The following CCNK variants were observed in gnomAD, a reference collection of about 807,000 sequenced individuals.
CCNK encodes cyclin K.
In CCNK, 9 loss-of-function variants were observed where a neutral mutation model predicts 65.0. That is an observed-to-expected ratio of 0.14 (90% CI 0.08 to 0.24). The LOEUF (loss-of-function observed/expected upper bound fraction) is 0.24. Ranked by LOEUF, CCNK falls within the 10% of genes least tolerant of loss-of-function variation. The probability of loss-of-function intolerance (pLI) is 1.00; values close to 1 mark genes in which losing one functional copy is unlikely to be tolerated. For missense variants in CCNK, 474 were observed against 720.0 expected (o/e 0.66, Z 3.91); for synonymous variants, 279 against 270.8 (o/e 1.03, Z -0.30).
At chr14:99,498,526 G>A (rs1390678531) in intron 4 of CCNK, among the ~76,000 whole-genome samples, 2 of 152,100 alleles carry the variant, frequency 1.3e-5, no homozygotes, top group African/African-American at 2.4e-5. Flanking sequence ...GAGTCCCATG[G>A]AACATTTTTT....
intron 3 of CCNK, chr14:99,493,975 ACT>A (rs921902306): frequency 1.2e-5 from 2 of 165,516 alleles, no homozygotes; most frequent in Admixed American, 6.1e-5. Context: ...ATTGTGTCTT[ACT>A]CTCTGTGGGA....
rs376791507 is a variant in CCNK at position 99,512,428 on chromosome 14, GAAAA to G, written c.*1655_*1658del. The G allele has an allele frequency of 5.9e-5, 8 of 134,504 alleles. No individual in the cohort carries two copies. The highest frequency in any genetic ancestry group is 1.9e-4 in the African/African-American group (7 of 37,292). 8.3% of individuals were successfully genotyped at this position (134,504 alleles called of 1,614,324 possible). A position where few individuals can be genotyped will look rare whatever the true frequency, so the allele number is the denominator to read the frequency against. Reference sequence around the variant, plus strand: ...TCTGCAGTCATGCATTTAGTTTTAAGAAAAAAAAAAAATCAGTAGTATGTATCTT... The same window carrying G: ...TCTGCAGTCATGCATTTAGTTTTAAGAAAAAAAATCAGTAGTATGTATCTT... On this transcript the variant is annotated 3_prime_UTR_variant, in exon 11 of 11. Transcript: ENST00000389879.
chr14:99,486,962 G>T (rs1896501345), intron 1 of CCNK, among the ~76,000 whole-genome samples: 1 of 152,006 alleles, frequency 6.6e-6, no homozygotes, highest in African/African-American at 2.4e-5. Flanking sequence ...AAGCTTCCTG[G>T]GGCAAAGACC....
chr14:99,490,443 A>T (rs1001659091), intron 1 of CCNK, among the ~76,000 whole-genome samples: 4 of 152,220 alleles, frequency 2.6e-5, no homozygotes, highest in African/African-American at 9.6e-5. Flanking sequence ...AGTGAAGGGT[A>T]TAGACAAAAC....
chr14:99,502,679 T>C, intron 7 of CCNK, 40 bp from the exon 8 acceptor site: 1 of 1,586,634 alleles, frequency 6.3e-7, no homozygotes, highest in South Asian at 1.1e-5. Flanking sequence ...TTATTTAAAA[T>C]ACCAATTTGT....
chr14:99,487,285 T>C (rs1282518677), intron 1 of CCNK, among the ~76,000 whole-genome samples: 2 of 152,236 alleles, frequency 1.3e-5, no homozygotes, highest in Admixed American at 6.5e-5. Context: ...ATAACTGTAC[T>C]GTACAGCAGA....
At chr14:99,481,610 C>G (rs1330607448) in intron 1 of CCNK, 131 bp downstream of exon 1, 1 of 394,462 alleles carries the variant, frequency 2.5e-6, no homozygotes, top group Non-Finnish European at 4.5e-6. Context: ...CTCCGCTAAC[C>G]TCCGGTACAC....
chr14:99,486,863 C>A (rs771077021), intron 1 of CCNK, among the ~76,000 whole-genome samples: 6 of 144,856 alleles, frequency 4.1e-5, no homozygotes, highest in African/African-American at 7.7e-5. Flanking sequence ...TATGTTCTCT[C>A]CCCTTACATG....
rs1377006286 is a variant in CCNK, at chr14:99,492,819, C to T, written c.142C>T (p.Arg48Trp). Residue 48 changes from arginine to tryptophan, a missense_variant, in exon 2 of 11, where the codon CGG becomes TGG. This residue lies in a region of CCNK where 87 missense variants were observed against 166.2 expected (regional missense o/e 0.52). Coordinates refer to ENST00000389879, the MANE Select transcript of CCNK (RefSeq NM_001099402.2). ...AGGACTTGATCCAGCCACCGAGGCCCGGTACCGCCGAGAGGGCGCTCGGTT... is the reference window on the plus strand; with the variant it reads ...AGGACTTGATCCAGCCACCGAGGCCTGGTACCGCCGAGAGGGCGCTCGGTT... ...LEGLDPATEA[R>W]YRREGARFIF... 4 of 1,611,404 alleles carry T rather than the reference C, an allele frequency of 2.5e-6. No individual in the cohort carries two copies. Among genetic ancestry groups the T allele is most frequent in the African/African-American group, 1.3e-5 (1 of 74,612 alleles).
intron 4 of CCNK, among the ~76,000 whole-genome samples, chr14:99,495,974 A>G (rs923131269): frequency 1.3e-5 from 2 of 152,224 alleles, no homozygotes; most frequent in Middle Eastern, 3.4e-3. Flanking sequence ...TTCTGGGTCA[A>G]ACAAAAGTAT....
chr14:99,488,109 C>T (rs772170366), intron 1 of CCNK, among the ~76,000 whole-genome samples: 6 of 152,030 alleles, frequency 3.9e-5, no homozygotes, highest in Non-Finnish European at 8.8e-5. Flanking sequence ...GACACTTTAC[C>T]CAAAATACTT....
At chr14:99,493,171 G>A (rs1285439732) in intron 2 of CCNK, 2 of 441,462 alleles carry the variant, frequency 4.5e-6, no homozygotes, top group African/African-American at 4.0e-5. Context: ...GGGAGGCCTA[G>A]ACAGGAGCAT....
chr14:99,495,183 T>C (rs894776404), intron 3 of CCNK: 2 of 198,630 alleles, frequency 1.0e-5, no homozygotes, highest in South Asian at 1.6e-4. Context: ...GCTTGCTGTT[T>C]AGGGAGTTAA....
Position 99,495,557 on chromosome 14 carries a change from T to C in CCNK, c.339T>C (p.Cys113=), listed in dbSNP as rs1385552548. Residue 113 remains cysteine (C), a synonymous_variant, in exon 4 of 11, where the codon TGT becomes TGC. Coordinates refer to ENST00000389879, the MANE Select transcript of CCNK (RefSeq NM_001099402.2). The part of the protein sequence containing the change: ...AGKVEETPKK[C]KDIIKTARSL... ...AAGTAGAAGAAACACCAAAAAAATGTAAAGATATCATCAAAACAGCTCGTA... is the reference window on the plus strand; with the variant it reads ...AAGTAGAAGAAACACCAAAAAAATGCAAAGATATCATCAAAACAGCTCGTA... 1 of 1,613,434 alleles carries C rather than the reference T, an allele frequency of 6.2e-7. No homozygotes were observed. The highest frequency in any genetic ancestry group is 8.5e-7 in the Non-Finnish European group (1 of 1,179,684).
chr14:99,510,302 GCCCCCAC>G lies in CCNK; in HGVS notation c.1269_1275del (p.Pro425AlafsTer3). 1 of 433,122 alleles carries G rather than the reference GCCCCCAC, an allele frequency of 2.3e-6. No individual in the cohort carries two copies. Among genetic ancestry groups the G allele is most frequent in the Non-Finnish European group, 3.4e-6 (1 of 290,910 alleles). 26.8% of individuals were successfully genotyped at this position (433,122 alleles called of 1,614,324 possible). On this transcript the variant is annotated frameshift_variant, in exon 11 of 11. Transcript: ENST00000389879. LOFTEE classifies it high-confidence loss of function. ...CACCGCCGCTGCCACACCGGCCCCC[GCCCCCAC>G]CCCCCTCCAGCTACATGACCGGGAT...
chr14:99,510,982 C>G lies in CCNK; in HGVS notation c.*200C>G. ...GGACAACCAGCTTTCAGAGTAGCCT[C>G]ATCAGTGCCCTTGCAGTCTGACTGT... On this transcript the variant is annotated 3_prime_UTR_variant, in exon 11 of 11. Transcript: ENST00000389879. 1 of 411,030 alleles carries G rather than the reference C, an allele frequency of 2.4e-6. No homozygotes were observed. Among genetic ancestry groups the G allele is most frequent in the Non-Finnish European group, 4.2e-6 (1 of 237,038 alleles). 25.5% of individuals were successfully genotyped at this position (411,030 alleles called of 1,614,324 possible). A position where few individuals can be genotyped will look rare whatever the true frequency, so the allele number is the denominator to read the frequency against.
intron 1 of CCNK, among the ~76,000 whole-genome samples, chr14:99,482,840 T>C (rs958869380): frequency 2.9e-5 from 4 of 139,876 alleles, no homozygotes; most frequent in Admixed American, 7.6e-5. Context: ...TTTCAGGACA[T>C]TATATTTGAA....
Position 99,511,070 on chromosome 14 carries a change from G to A in CCNK, c.*288G>A, listed in dbSNP as rs991454579. On this transcript the variant is annotated 3_prime_UTR_variant, in exon 11 of 11. Transcript: ENST00000389879. ...TGGGTTACTTTATACTAGTGAGGAC[G>A]TTAACCAGCCATATTGGCTCAATAA... 1.8e-5 allele frequency: 5 copies of A among 272,546 alleles called. No individual in the cohort carries two copies. Among genetic ancestry groups the A allele is most frequent in the Admixed American group, 1.1e-4 (2 of 18,628 alleles). The allele number at this position is 272,546 out of a possible 1,614,324, so 16.9% of individuals were successfully genotyped here. A position where few individuals can be genotyped will look rare whatever the true frequency, so the allele number is the denominator to read the frequency against.
Position 99,502,193 on chromosome 14 carries a change from T to TC in CCNK, c.576-13dup, listed in dbSNP as rs772659296. The stretch of plus-strand genomic sequence containing the variant: ...GATCATATTATCTAACCTTTTTTTT[T>TC]CTTGTTGAACTAGTCTCTGCACCAC... On this transcript the variant is annotated splice_polypyrimidine_tract_variant and intron_variant, in intron 6 of 10. Coordinates refer to ENST00000389879, the MANE Select transcript of CCNK (RefSeq NM_001099402.2). 1 of 1,559,158 alleles carries TC rather than the reference T, an allele frequency of 6.4e-7. No homozygotes were observed. Among genetic ancestry groups the TC allele is most frequent in the South Asian group, 1.2e-5 (1 of 83,946 alleles).
Sources: gnomAD v4.1 joint callset for allele counts (sites outside exome capture counted in the v4.1 genomes callset) on GRCh38, gnomAD v4.1.1 for gene constraint, gnomAD v4.1.1 regional missense constraint, MANE v1.5 for transcripts, NCBI Gene and HGNC (gene_info 2026-07-23, HGNC 2026-07-21) for gene names.